SNX19: variants seen among roughly 807,000 people sequenced by gnomAD.
The protein encoded by SNX19 is sorting nexin-19.
Under a neutral mutation model 85.2 loss-of-function variants are expected in SNX19, and 60 were observed. The ratio of observed to expected loss-of-function variants is 0.70; its 90% CI spans 0.57 to 0.87. The LOEUF (loss-of-function observed/expected upper bound fraction) is 0.87. SNX19 is among the 40% of genes least tolerant of loss of function. The pLI, the probability that SNX19 is intolerant of heterozygous loss-of-function variation, is 0.00. For missense variants in SNX19, 1,201 were observed against 1,217.8 expected (o/e 0.99, Z 0.21); for synonymous variants, 520 against 470.0 (o/e 1.11, Z -1.38).
chr11:130,906,789 C>T lies in SNX19; in HGVS notation c.2166-68G>A. On this transcript the variant is annotated intron_variant, in intron 5 of 10. Coordinates refer to ENST00000265909, the MANE Select transcript of SNX19 (RefSeq NM_014758.3). ...CCTTGAGCCTCACACTAAGGGCTGG[C>T]AAGTACTGATAATAAAACACAACAA... 4.6e-6 allele frequency: 5 copies of T among 1,095,960 alleles called. No individual in the cohort carries two copies. In the East Asian group the frequency reaches 9.4e-5, roughly 21 times the overall value. The allele number at this position is 1,095,960 out of a possible 1,614,324, so 67.9% of individuals were successfully genotyped here.
Position 130,914,861 on chromosome 11 carries a change from T to C in SNX19, c.1079A>G (p.Asn360Ser). The C allele has an allele frequency of 6.2e-7, 1 of 1,614,154 alleles. No homozygotes were observed. Among genetic ancestry groups the C allele is most frequent in the Non-Finnish European group, 8.5e-7 (1 of 1,180,022 alleles). The change falls in exon 1 of 11, where the codon AAT (asparagine) becomes AGT (serine). Residue 360 changes from asparagine (N) to serine (S), a missense_variant. By Grantham distance (46) the Asn-to-Ser change is conservative. Transcript: ENST00000265909. ...GNNSSHFLQP[N>S]VRGPLFLCED... ...ACATAAGAACAGGGGACCTCGAACA[T>C]TTGGCTGTAGGAAATGAGATGAGTT...
chr11:130,910,428 T>G (rs1182916621), intron 2 of SNX19, 58 bp from the exon 3 acceptor site: 1 of 1,250,200 alleles, frequency 8.0e-7, no homozygotes, highest in East Asian at 2.3e-5. Context: ...AGAGAGCTAT[T>G]CCATATAAAA....
rs764361180 is a variant in SNX19 at position 130,879,669 on chromosome 11, C to T, written c.2801G>A (p.Ser934Asn). Residue 934 changes from serine (S) to asparagine (N), a missense_variant, in exon 10 of 11, where the codon AGC (serine) becomes AAC (asparagine). Around this residue, in one of 3 missense-constraint regions of SNX19, gnomAD observed 285 missense variants for 295.3 expected, o/e 0.97. Transcript: ENST00000265909. ...EILGVNKCRL[S>N]WGLVLESLQQ... is the part of the protein sequence containing the mutation. ...TAGTGACTCCAGGACTAGACCCCAGCTCAGCCGGCATTTGTTCACCCCAAG... is the reference window on the plus strand; with the variant it reads ...TAGTGACTCCAGGACTAGACCCCAGTTCAGCCGGCATTTGTTCACCCCAAG... 2 of 1,614,000 alleles carry T rather than the reference C, an allele frequency of 1.2e-6. No individual in the cohort carries two copies. Among genetic ancestry groups the T allele is most frequent in the Non-Finnish European group, 1.7e-6 (2 of 1,179,956 alleles).
At chr11:130,913,254 T>C (rs976572264) in intron 1 of SNX19, among the ~76,000 whole-genome samples, 4 of 152,184 alleles carry the variant, frequency 2.6e-5, no homozygotes, top group Non-Finnish European at 5.9e-5. Context: ...CATAGGGGCA[T>C]CCAGAATTAG....
intron 8 of SNX19, among the ~76,000 whole-genome samples, chr11:130,899,496 T>C (rs1463336900): frequency 6.6e-6 from 1 of 152,214 alleles, no homozygotes; most frequent in Admixed American, 6.5e-5. Flanking sequence ...AAAAATGATT[T>C]GTAGGGATAC....
chr11:130,894,122 A>C (rs3794141), intron 8 of SNX19, among the ~76,000 whole-genome samples: 3 of 152,194 alleles, frequency 2.0e-5, no homozygotes, highest in African/African-American at 7.2e-5. Flanking sequence ...GACAATCTCC[A>C]TCTTAGTGAA....
rs1275209776 is a variant in SNX19 at position 130,915,505 on chromosome 11, C to T, written c.435G>A (p.Arg145=). The part of the protein sequence containing the change: ...MKGLVQELRR[R]MSVMDSHAVA... ...CAGCATGACTGTCCATCACGCTCATCCTTCTCCGAAGCTCCTGGACCAACC... is the reference window on the plus strand; with the variant it reads ...CAGCATGACTGTCCATCACGCTCATTCTTCTCCGAAGCTCCTGGACCAACC... The change falls in exon 1 of 11, where the codon AGG becomes AGA. Residue 145 remains arginine (R), a synonymous_variant. Transcript: ENST00000265909. 3 of 1,614,232 alleles carry T rather than the reference C, an allele frequency of 1.9e-6. No homozygotes were observed. The South Asian group carries it at 3.3e-5, about 18-fold the overall frequency.
Position 130,880,597 on chromosome 11 carries a change from T to C in SNX19, c.2758+25A>G, listed in dbSNP as rs73575831. 3,601 of 1,558,204 alleles carry C rather than the reference T, an allele frequency of 2.3e-3. 71 individuals are homozygous for C. The African/African-American group carries it at 0.043, about 19-fold the overall frequency. ...GAATGGAAGAGAAATGTGATTGGTA[T>C]AATTGATCTCATTGGTCCAATTACC... On this transcript the variant is annotated intron_variant, in intron 9 of 10. Coordinates refer to ENST00000265909, the MANE Select transcript of SNX19 (RefSeq NM_014758.3).
chr11:130,903,819 C>A (rs1945451596), intron 7 of SNX19, among the ~76,000 whole-genome samples: 1 of 151,542 alleles, frequency 6.6e-6, no homozygotes, highest in Admixed American at 6.6e-5. Context: ...CTTTCTGTTC[C>A]AAAGAAAATC....
Position 130,911,771 on chromosome 11 carries a change from A to T in SNX19, c.1675T>A (p.Tyr559Asn). 1.2e-6 allele frequency: 2 copies of T among 1,613,948 alleles called. No individual in the cohort carries two copies. Among genetic ancestry groups the T allele is most frequent in the South Asian group, 2.2e-5 (2 of 91,070 alleles). The change falls in exon 2 of 11, where the codon TAC becomes AAC. Residue 559 changes from tyrosine to asparagine, a missense_variant and splice_region_variant. Physicochemically the swap from Tyr to Asn is moderately radical, Grantham distance 143 (BLOSUM62 -2). Transcript: ENST00000265909. ...FHPYTLYTVKYETALDGENSS... is the reference protein window; with the variant it reads ...FHPYTLYTVKNETALDGENSS... Reference sequence around the variant, plus strand: ...TTTTCACCGTCAAGGGCTGTCTCGTACTGTTCAACGAACAAATTGATTGAC... The same window carrying T: ...TTTTCACCGTCAAGGGCTGTCTCGTTCTGTTCAACGAACAAATTGATTGAC...
At chr11:130,893,259 A>G (rs796971550) in intron 8 of SNX19, among the ~76,000 whole-genome samples, 83 of 152,298 alleles carry the variant, frequency 5.4e-4, no homozygotes, top group African/African-American at 1.9e-3. Context: ...AATATTACGG[A>G]TAACAGATTT....
chr11:130,912,549 T>C (rs1004386533), intron 1 of SNX19, among the ~76,000 whole-genome samples: 9 of 152,340 alleles, frequency 5.9e-5, no homozygotes, highest in Non-Finnish European at 1.2e-4. Context: ...GAAGTATATA[T>C]GTGCGCCTTC....
Position 130,911,639 on chromosome 11 carries a change from T to G in SNX19, c.1807A>C (p.Ile603Leu), listed in dbSNP as rs1431280833. The G allele has an allele frequency of 6.2e-7, 1 of 1,614,024 alleles. No individual in the cohort carries two copies. Among genetic ancestry groups the G allele is most frequent in the African/African-American group, 1.3e-5 (1 of 74,902 alleles). Reference protein sequence around the residue: ...LEEKPDLRKFIKNVKGPKKLF... With the variant: ...LEEKPDLRKFLKNVKGPKKLF... ...GGTTGGGGAAACTCCTGACTTTTGA[T>G]GAACTTTCGTAGATCTGGTTTCTCC... Residue 603 changes from isoleucine to leucine, a missense_variant, in exon 2 of 11, where the codon ATC becomes CTC. Physicochemically the swap from Ile to Leu is conservative, Grantham distance 5. Transcript: ENST00000265909.
At position 130,896,940 on chromosome 11, in the gene SNX19, G is replaced by A. The variant is rs993313140; in HGVS notation, c.2573+6315C>T. On this transcript the variant is annotated intron_variant, in intron 8 of 10. Coordinates refer to ENST00000265909, the MANE Select transcript of SNX19 (RefSeq NM_014758.3). ...GAGGCCCTTGAAGTAGAGTTCCACA[G>A]AAAGCGCCTTGATTCTGGAGCGTTC... is the stretch of plus-strand genomic sequence containing the variant. 3.8e-5 allele frequency among the ~76,000 whole-genome samples: 5 copies of A among 131,244 alleles called. No individual in the cohort carries two copies. In the South Asian group the frequency reaches 1.3e-3, roughly 35 times the overall value. 86.1% of individuals were successfully genotyped at this position (131,244 alleles called of 152,430 possible).
rs140949788 is a variant in SNX19 at position 130,867,901 on chromosome 11, G to A, written c.*10521C>T. On this transcript the variant is annotated 3_prime_UTR_variant, in exon 11 of 11. Transcript: ENST00000265909. Reference sequence around the variant, plus strand: ...CCCATGACTACAAGGCAGCTCTTGCGATGCCAGGCAAATGTGTGTTCCTCC... The same window carrying A: ...CCCATGACTACAAGGCAGCTCTTGCAATGCCAGGCAAATGTGTGTTCCTCC... 6.6e-6 allele frequency: 1 copy of A among 152,226 alleles called. No homozygotes were observed. Among genetic ancestry groups the A allele is most frequent in the Admixed American group, 6.5e-5 (1 of 15,280 alleles). 9.4% of individuals were successfully genotyped at this position (152,226 alleles called of 1,614,324 possible).
At chr11:130,893,810 T>A in intron 8 of SNX19, 1 of 702,244 alleles carries the variant, frequency 1.4e-6, no homozygotes, top group South Asian at 1.5e-5. Context: ...GAAGGCTGAA[T>A]CCTCTCCGAG....
At chr11:130,898,897 T>C (rs1343240458) in intron 8 of SNX19, among the ~76,000 whole-genome samples, 1 of 152,156 alleles carries the variant, frequency 6.6e-6, no homozygotes, top group Non-Finnish European at 1.5e-5. Context: ...GGGTTGGCTT[T>C]TATCCTGCTG....
chr11:130,880,738 T>A lies in SNX19; in HGVS notation c.2642A>T (p.Gln881Leu). The A allele has an allele frequency of 6.2e-7, 1 of 1,611,950 alleles. No individual in the cohort carries two copies. Among genetic ancestry groups the A allele is most frequent in the Non-Finnish European group, 8.5e-7 (1 of 1,178,314 alleles). Residue 881 changes from glutamine (Q) to leucine (L), a missense_variant, in exon 9 of 11, where the codon CAG (glutamine) becomes CTG (leucine). Physicochemically the swap from Gln to Leu is moderately radical, Grantham distance 113 (BLOSUM62 -2). This residue lies in a region of SNX19 where 285 missense variants were observed against 295.3 expected (regional missense o/e 0.97). Transcript: ENST00000265909. ...QRWVQYLLLL[Q>L]ESIWPGGVLP... ...AACTCCACCAGGCCAGATGGACTCC[T>A]GAAGAAGCAGGAGGTACTGCACCCA... is the stretch of plus-strand genomic sequence containing the variant.
At chr11:130,903,179 T>C (rs1945377626) in intron 8 of SNX19, 76 bp downstream of exon 8, 8 of 1,586,884 alleles carry the variant, frequency 5.0e-6, no homozygotes, top group African/African-American at 2.7e-5. Flanking sequence ...GCAGATTCCC[T>C]GGACACTATT....
Sources: gnomAD v4.1 joint callset for allele counts (sites outside exome capture counted in the v4.1 genomes callset) on GRCh38, gnomAD v4.1.1 for gene constraint, gnomAD v4.1.1 regional missense constraint, MANE v1.5 for transcripts, NCBI Gene and HGNC (gene_info 2026-07-23, HGNC 2026-07-21) for gene names.